SPATC1: variants seen among roughly 807,000 people sequenced by gnomAD.
The protein encoded by SPATC1 is spermatogenesis and centriole associated 1.
Under a neutral mutation model 36.5 loss-of-function variants are expected in SPATC1, and 35 were observed. The ratio of observed to expected loss-of-function variants is 0.96; its 90% CI spans 0.73 to 1.27. SPATC1 has a LOEUF of 1.27. SPATC1 is among the 50% of genes most tolerant of loss of function. SPATC1 has a pLI of 0.00. For missense variants in SPATC1, 779 were observed against 796.0 expected (o/e 0.98, Z 0.26); for synonymous variants, 361 against 353.6 (o/e 1.02, Z -0.24).
rs782084775 is a variant in SPATC1, at chr8:144,046,829, C to T, written c.1649C>T (p.Thr550Ile). The change falls in exon 5 of 5, where the codon ACC becomes ATC. Residue 550 changes from threonine to isoleucine, a missense_variant. Coordinates refer to ENST00000377470, the MANE Select transcript of SPATC1 (RefSeq NM_198572.3). This position sits in a 1 kb window ranked among gnomAD's most constrained non-coding sequence, Gnocchi z 6.6. ...GCGGCGTCTGAGGGCGGCCCCTACACCGTGGACTTCCTGCAGCGTGTGGTG... is the reference window on the plus strand; with the variant it reads ...GCGGCGTCTGAGGGCGGCCCCTACATCGTGGACTTCCTGCAGCGTGTGGTG... ...ELAASEGGPY[T>I]VDFLQRVVVE... is the part of the protein sequence containing the mutation. The T allele has an allele frequency of 6.2e-7, 1 of 1,603,660 alleles. No individual in the cohort carries two copies. The highest frequency in any genetic ancestry group is 1.1e-5 in the South Asian group (1 of 91,082).
At chr8:144,034,273 AG>A (rs2133131301) in intron 1 of SPATC1, among the ~76,000 whole-genome samples, 1 of 152,342 alleles carries the variant, frequency 6.6e-6, no homozygotes, top group Non-Finnish European at 1.5e-5. Flanking sequence ...CTGGGAAGGA[AG>A]CACAGATCCC....
At chr8:144,033,843 G>A (rs1834846213) in intron 1 of SPATC1, among the ~76,000 whole-genome samples, 1 of 152,170 alleles carries the variant, frequency 6.6e-6, no homozygotes, top group African/African-American at 2.4e-5. Context: ...ACCAGCAGAG[G>A]CACAGGGACT....
upstream of SPATC1, among the ~76,000 whole-genome samples, chr8:144,010,989 T>C (rs555318743): frequency 6.6e-6 from 1 of 152,034 alleles, no homozygotes; most frequent in East Asian, 1.9e-4. Context: ...CTGAAGGTAA[T>C]CTCCTTTAAA....
intron 1 of SPATC1, among the ~76,000 whole-genome samples, chr8:144,020,861 C>G (rs1834507113): frequency 7.5e-6 from 1 of 133,036 alleles, no homozygotes; most frequent in Non-Finnish European, 1.7e-5. Flanking sequence ...CCTCTCCCCT[C>G]AAAACTCTCT....
Position 144,040,959 on chromosome 8 carries a change from C to T in SPATC1, c.1158C>T (p.Ala386=), listed in dbSNP as rs1554755884. ...TCCCCCACTGTCCTCCACACAACGC[C>T]CACTCCCCACCTCGTACCTCATCCT... The part of the protein sequence containing the change: ...LPVPHCPPHN[A]HSPPRTSSSP... Residue 386 remains alanine, a synonymous_variant, in exon 3 of 5, where the codon GCC becomes GCT. Coordinates refer to ENST00000377470, the MANE Select transcript of SPATC1 (RefSeq NM_198572.3). The T allele has an allele frequency of 6.2e-7, 1 of 1,611,176 alleles. No homozygotes were observed. Among genetic ancestry groups the T allele is most frequent in the East Asian group, 2.2e-5 (1 of 44,870 alleles).
chr8:144,042,611 C>A (rs1008065398), intron 4 of SPATC1, among the ~76,000 whole-genome samples: 1 of 151,888 alleles, frequency 6.6e-6, no homozygotes, highest in African/African-American at 2.4e-5. Flanking sequence ...CGTGAGCCAC[C>A]GCGCCCGGCC....
rs1306183431 is a variant in SPATC1, at chr8:144,016,700, A to G, written c.211+3974A>G. Among the ~76,000 whole-genome samples, 1 of 152,090 alleles carries G rather than the reference A, an allele frequency of 6.6e-6. No homozygotes were observed. The highest frequency in any genetic ancestry group is 2.4e-5 in the African/African-American group (1 of 41,402). On this transcript the variant is annotated intron_variant, in intron 1 of 4. Coordinates refer to ENST00000377470, the MANE Select transcript of SPATC1 (RefSeq NM_198572.3). This position sits in a 1 kb window ranked among gnomAD's most constrained non-coding sequence, Gnocchi z 4.5. ...GCCCAGGCTGGAGTGCAATGGCGCA[A>G]TCTCGGCTCACCGCAACCTCCACCT...
chr8:144,047,094 C>T lies in SPATC1; in HGVS notation c.*138C>T. On this transcript the variant is annotated 3_prime_UTR_variant, in exon 5 of 5. Coordinates refer to ENST00000377470, the MANE Select transcript of SPATC1 (RefSeq NM_198572.3). The surrounding 1 kb of genome is among the most constrained non-coding windows in gnomAD (Gnocchi z 4.1). Reference sequence around the variant, plus strand: ...GCCTCCTCTGGGGTGGCTCACCGGGCCCCGGCACCGTGCCCCTTCAGCCCT... The same window carrying T: ...GCCTCCTCTGGGGTGGCTCACCGGGTCCCGGCACCGTGCCCCTTCAGCCCT... 9.6e-7 allele frequency: 1 copy of T among 1,040,936 alleles called. No homozygotes were observed. Among genetic ancestry groups the T allele is most frequent in the Non-Finnish European group, 1.4e-6 (1 of 735,210 alleles). 64.5% of individuals were successfully genotyped at this position (1,040,936 alleles called of 1,614,324 possible). A position where few individuals can be genotyped will look rare whatever the true frequency, so the allele number is the denominator to read the frequency against.
intron 1 of SPATC1, among the ~76,000 whole-genome samples, chr8:144,021,303 T>C (rs1379506187): frequency 6.9e-5 from 9 of 131,268 alleles, no homozygotes; most frequent in Non-Finnish European, 1.4e-4. Flanking sequence ...CTCAGGACCC[T>C]CTTCCCTCAT....
intron 1 of SPATC1, among the ~76,000 whole-genome samples, chr8:144,031,281 T>A (rs958025707): frequency 1.3e-5 from 2 of 152,154 alleles, no homozygotes; most frequent in Admixed American, 6.5e-5. Flanking sequence ...GATAGTTTTA[T>A]GGAATATAGA....
intron 1 of SPATC1, among the ~76,000 whole-genome samples, chr8:144,013,633 C>T (rs1396588999): frequency 7.2e-5 from 11 of 152,098 alleles, no homozygotes; most frequent in African/African-American, 2.4e-4. Context: ...CCCCTAATGA[C>T]ACAGAGACAA....
chr8:144,021,319 T>C (rs1834529673), intron 1 of SPATC1, among the ~76,000 whole-genome samples: 4 of 121,442 alleles, frequency 3.3e-5, no homozygotes, highest in Non-Finnish European at 5.5e-5. Flanking sequence ...CTCATGACCC[T>C]CTGCCCTCAT....
rs1554755381 is a variant in SPATC1 at position 144,039,981 on chromosome 8, CA to C, written c.285del (p.Leu97TrpfsTer5). The C allele has an allele frequency of 6.2e-7, 1 of 1,613,964 alleles. No individual in the cohort carries two copies. Among genetic ancestry groups the C allele is most frequent in the Non-Finnish European group, 8.5e-7 (1 of 1,179,986 alleles). On this transcript the variant is annotated frameshift_variant, in exon 2 of 5. Coordinates refer to ENST00000377470, the MANE Select transcript of SPATC1 (RefSeq NM_198572.3). LOFTEE classifies it high-confidence loss of function. Reference protein sequence around the residue: ...VLEEVGIMALAPLAEMLTSLQ... With the variant: ...VLEEVGIMALXPLAEMLTSLQ... ...GAAGAAGTGGGGATCATGGCCTTGGCACCCCTGGCCGAGATGCTAACCAGCT... is the reference window on the plus strand; with the variant it reads ...GAAGAAGTGGGGATCATGGCCTTGGCCCCCTGGCCGAGATGCTAACCAGCT...
intron 3 of SPATC1, 54 bp from the exon 4 acceptor site, chr8:144,041,178 G>T: frequency 6.2e-7 from 1 of 1,603,632 alleles, no homozygotes; most frequent in Non-Finnish European, 8.5e-7. Context: ...CTGGGCTGCT[G>T]AGCCCAGCTC....
At chr8:144,037,561 T>C in intron 1 of SPATC1, among the ~76,000 whole-genome samples, 1 of 152,028 alleles carries the variant, frequency 6.6e-6, no homozygotes, top group East Asian at 1.9e-4. Context: ...GTTGAATGGA[T>C]TAAGGGGGGT....
chr8:144,032,181 T>C (rs1195624255), intron 1 of SPATC1, among the ~76,000 whole-genome samples: 1 of 152,182 alleles, frequency 6.6e-6, no homozygotes, highest in African/African-American at 2.4e-5. Flanking sequence ...ATAATCTCCA[T>C]GGATTTAGTT....
In SPATC1 at chr8:144,046,503, C is replaced by G. The variant is rs1370163768; in HGVS notation, c.1447-124C>G. On this transcript the variant is annotated intron_variant, in intron 4 of 4. Coordinates refer to ENST00000377470, the MANE Select transcript of SPATC1 (RefSeq NM_198572.3). This position sits in a 1 kb window ranked among gnomAD's most constrained non-coding sequence, Gnocchi z 6.6. ...ATTCTTGAGGTCTGTCGCAGAACCTCCCCACCGCACACCCCTCGGATCCTG... is the reference window on the plus strand; with the variant it reads ...ATTCTTGAGGTCTGTCGCAGAACCTGCCCACCGCACACCCCTCGGATCCTG... 6 of 885,684 alleles carry G rather than the reference C, an allele frequency of 6.8e-6. No homozygotes were observed. Among genetic ancestry groups the G allele is most frequent in the Non-Finnish European group, 1.0e-5 (6 of 584,434 alleles). 54.9% of individuals were successfully genotyped at this position (885,684 alleles called of 1,614,324 possible). A position where few individuals can be genotyped will look rare whatever the true frequency, so the allele number is the denominator to read the frequency against.
chr8:144,026,987 CTTT>C (rs1169014232), intron 1 of SPATC1, among the ~76,000 whole-genome samples: 1 of 114,304 alleles, frequency 8.7e-6, no homozygotes, highest in East Asian at 2.4e-4. Flanking sequence ...TTTTTTTTTT[CTTT>C]TTTTTTTTTT....
intron 4 of SPATC1, among the ~76,000 whole-genome samples, chr8:144,042,311 A>ATATATTT (rs1412021347): frequency 2.5e-4 from 6 of 23,882 alleles, no homozygotes; most frequent in African/African-American, 4.8e-4. Context: ...ATATATATAT[A>ATATATTT]TTTTTTTTTT....
Sources: allele counts gnomAD v4.1 joint callset (sites outside exome capture counted in the v4.1 genomes callset), GRCh38; gene constraint gnomAD v4.1.1; non-coding constraint Gnocchi (gnomAD v3.1); transcripts MANE v1.5; gene names NCBI Gene and HGNC (gene_info 2026-07-23, HGNC 2026-07-21).